The following NYAP2 variants were observed in gnomAD, a reference collection of about 807,000 sequenced individuals.
NYAP2 encodes the protein neuronal tyrosine-phosphorylated phosphoinositide-3-kinase adapter 2.
In NYAP2, 23 loss-of-function variants were observed where a neutral mutation model predicts 50.4. The observed-to-expected ratio is 0.46, with a 90% confidence interval of 0.33 to 0.65. The LOEUF (loss-of-function observed/expected upper bound fraction) is 0.65, where lower values mean the gene tolerates loss of function less well. Among genes scored for constraint, NYAP2 ranks in the 30% least tolerant of loss-of-function variants. The probability of loss-of-function intolerance (pLI) is 0.02; values close to 1 mark genes in which losing one functional copy is unlikely to be tolerated. For missense variants in NYAP2, 885 were observed against 861.0 expected (o/e 1.03, Z -0.35); for synonymous variants, 394 against 365.2 (o/e 1.08, Z -0.90).
At chr2:225,617,765 G>C (rs910205319) in intron 5 of NYAP2, among the ~76,000 whole-genome samples, 2 of 152,138 alleles carry the variant, frequency 1.3e-5, no homozygotes, top group Non-Finnish European at 2.9e-5. Flanking sequence ...GTTATTGAGG[G>C]CTATTGGTTT....
chr2:225,496,259 G>C (rs945135530), intron 3 of NYAP2, among the ~76,000 whole-genome samples: 1 of 152,068 alleles, frequency 6.6e-6, no homozygotes, highest in African/African-American at 2.4e-5. Flanking sequence ...GAGGTTACTG[G>C]TAATCAAAAG....
chr2:225,483,190 G>A (rs961149787), intron 3 of NYAP2, among the ~76,000 whole-genome samples: 1 of 152,074 alleles, frequency 6.6e-6, no homozygotes, highest in African/African-American at 2.4e-5. Context: ...TAGATCTTGA[G>A]TTAAGTGTTC....
In NYAP2 at chr2:225,416,091, C is replaced by T. The variant is rs913553523; in HGVS notation, c.221+6990C>T. Among the ~76,000 whole-genome samples the T allele has an allele frequency of 5.9e-5, 9 of 152,272 alleles. No individual in the cohort carries two copies. In the East Asian group the frequency reaches 1.7e-3, roughly 29 times the overall value. On this transcript the variant is annotated intron_variant, in intron 3 of 6. Transcript: ENST00000636099. ...CAGCAGCCAGTATCTTAATAACCCT[C>T]TCTAATTTCAGCTTCCTCTTGTGTT...
Position 225,648,446 on chromosome 2 carries a change from G to A in NYAP2, c.1829-2986G>A, listed in dbSNP as rs73074525. On this transcript the variant is annotated intron_variant, in intron 6 of 6. Transcript: ENST00000636099. ...AATTGAACATTTTTGAACAAGATGA[G>A]TGGCCTAAAGTATCTAGGAAACACA... is the stretch of plus-strand genomic sequence containing the variant. Among the ~76,000 whole-genome samples, 1,045 of 152,270 alleles carry A rather than the reference G, an allele frequency of 6.9e-3. 22 individuals carry two copies. Among genetic ancestry groups the A allele is most frequent in the African/African-American group, 0.024 (1,005 of 41,566 alleles).
intron 3 of NYAP2, among the ~76,000 whole-genome samples, chr2:225,446,936 G>T (rs1198402561): frequency 1.3e-5 from 2 of 152,158 alleles, no homozygotes; most frequent in East Asian, 3.9e-4. Flanking sequence ...AACCAGAGAG[G>T]CTATCTGAAG....
At chr2:225,655,885 T>TACACGCAC (rs1693812724), downstream of NYAP2, among the ~76,000 whole-genome samples, 1 of 121,146 alleles carries the variant, frequency 8.3e-6, no homozygotes, top group Non-Finnish European at 1.7e-5. Context: ...CAACCTCCAC[T>TACACGCAC]ACACACACAC....
intron 6 of NYAP2, among the ~76,000 whole-genome samples, chr2:225,631,353 G>A (rs947041459): frequency 3.3e-5 from 5 of 152,108 alleles, no homozygotes; most frequent in African/African-American, 1.2e-4. Flanking sequence ...GGTTTTTAGT[G>A]TTGTTTGTAG....
intron 4 of NYAP2, among the ~76,000 whole-genome samples, chr2:225,568,387 C>T (rs2106220126): frequency 6.6e-6 from 1 of 152,240 alleles, no homozygotes; most frequent in East Asian, 1.9e-4. Flanking sequence ...TCACCACTCT[C>T]CTTTTATTTA....
chr2:225,606,783 T>C (rs1692794557), intron 5 of NYAP2, among the ~76,000 whole-genome samples: 1 of 152,138 alleles, frequency 6.6e-6, no homozygotes, highest in African/African-American at 2.4e-5. Context: ...AGCCAAATTC[T>C]CTTGAATATC....
chr2:225,513,573 A>C, exon 4 of NYAP2: 1 of 1,605,428 alleles, frequency 6.2e-7, no homozygotes, highest in South Asian at 1.1e-5. Flanking sequence ...ACCACCACCC[A>C]AACCCAAGAG....
chr2:225,425,318 CTG>C (rs908497294), intron 3 of NYAP2, among the ~76,000 whole-genome samples: 2 of 152,076 alleles, frequency 1.3e-5, no homozygotes, highest in Admixed American at 1.3e-4. Flanking sequence ...GTGTGTGTGA[CTG>C]TGTGTGTGTT....
chr2:225,647,707 G>A (rs542100484), intron 6 of NYAP2, among the ~76,000 whole-genome samples: 2 of 151,970 alleles, frequency 1.3e-5, no homozygotes, highest in Admixed American at 1.3e-4. Flanking sequence ...TTATTAGGTG[G>A]TTCCTACCGG....
At chr2:225,472,769 T>C (rs1026764830) in intron 3 of NYAP2, among the ~76,000 whole-genome samples, 5 of 152,142 alleles carry the variant, frequency 3.3e-5, no homozygotes, top group Non-Finnish European at 5.9e-5. Context: ...TTGCTAGCAA[T>C]AGAAAAATGC....
intron 5 of NYAP2, among the ~76,000 whole-genome samples, chr2:225,610,497 G>C (rs1441156205): frequency 6.6e-6 from 1 of 152,040 alleles, no homozygotes; most frequent in Non-Finnish European, 1.5e-5. Flanking sequence ...AATTTTAAGG[G>C]GAGTCAAAAT....
chr2:225,652,494 G>GA (rs1441810597), exon 7 of NYAP2: 1 of 152,132 alleles, frequency 6.6e-6, no homozygotes, highest in Non-Finnish European at 1.5e-5. Flanking sequence ...TTAGTATGGG[G>GA]AAAAATCACT....
At chr2:225,422,261 G>A (rs1695227733) in intron 3 of NYAP2, among the ~76,000 whole-genome samples, 1 of 152,138 alleles carries the variant, frequency 6.6e-6, no homozygotes, top group Non-Finnish European at 1.5e-5. Context: ...AGGCTTTTTA[G>A]CAAATCATAC....
chr2:225,559,404 G>A (rs1240083496), intron 4 of NYAP2, among the ~76,000 whole-genome samples: 1 of 151,786 alleles, frequency 6.6e-6, no homozygotes, highest in Non-Finnish European at 1.5e-5. Flanking sequence ...CCCATTGTCT[G>A]ACCTCAATTA....
intron 3 of NYAP2, among the ~76,000 whole-genome samples, chr2:225,416,481 A>G (rs1415382830): frequency 6.6e-6 from 1 of 152,112 alleles, no homozygotes; most frequent in Non-Finnish European, 1.5e-5. Context: ...TATTGTTTTC[A>G]GTTAGAGCCA....
intron 5 of NYAP2, among the ~76,000 whole-genome samples, chr2:225,587,828 CAA>C (rs5839115): frequency 1.1e-4 from 16 of 146,178 alleles, no homozygotes; most frequent in African/African-American, 3.8e-4. Context: ...CTTGGCATTA[CAA>C]AAAAAAAAAG....
Sources: gnomAD v4.1 joint callset for allele counts (sites outside exome capture counted in the v4.1 genomes callset) on GRCh38, gnomAD v4.1.1 for gene constraint, MANE v1.5 for transcripts, NCBI Gene and HGNC (gene_info 2026-07-23, HGNC 2026-07-21) for gene names.